RERE: variants seen among roughly 807,000 people sequenced by gnomAD.
RERE encodes arginine-glutamic acid dipeptide repeats protein.
A neutral mutation model predicts 146.1 loss-of-function variants in RERE; 40 were observed. The observed-to-expected ratio is 0.27, with a 90% CI of 0.21 to 0.36. RERE has a LOEUF of 0.36. RERE is among the 10% of genes least tolerant of loss of function. The pLI is 1.00. For missense variants in RERE, 1,933 were observed against 2,138.7 expected (o/e 0.90, Z 1.90); for synonymous variants, 1,003 against 866.0 (o/e 1.16, Z -2.78).
chr1:8,728,718 T>C (rs1640021566), intron 1 of RERE, among the ~76,000 whole-genome samples: 1 of 152,200 alleles, frequency 6.6e-6, no homozygotes, highest in African/African-American at 2.4e-5. Context: ...AGATATCTGT[T>C]ATTACTTCTG....
chr1:8,450,355 C>T (rs1644376166), intron 11 of RERE, among the ~76,000 whole-genome samples: 1 of 151,966 alleles, frequency 6.6e-6, no homozygotes, highest in African/African-American at 2.4e-5. Flanking sequence ...CCAACAGCCA[C>T]CGAGAAGCAC....
At chr1:8,551,255 G>C (rs764648122) in intron 6 of RERE, among the ~76,000 whole-genome samples, 1 of 152,198 alleles carries the variant, frequency 6.6e-6, no homozygotes, top group Non-Finnish European at 1.5e-5. Flanking sequence ...ATGCACTGAT[G>C]CGAGTACACA....
intron 11 of RERE, among the ~76,000 whole-genome samples, chr1:8,436,419 C>G (rs917243332): frequency 6.6e-6 from 1 of 152,186 alleles, no homozygotes; most frequent in African/African-American, 2.4e-5. Context: ...ACCCTACAGT[C>G]GCTACATAAA....
chr1:8,694,981 G>T (rs1022771749), intron 1 of RERE, among the ~76,000 whole-genome samples: 2 of 125,404 alleles, frequency 1.6e-5, no homozygotes, highest in Non-Finnish European at 3.5e-5. Flanking sequence ...TAAGGGGGGG[G>T]GGGGAATGCT....
intron 1 of RERE, among the ~76,000 whole-genome samples, chr1:8,689,358 A>G (rs1229596853): frequency 6.6e-6 from 1 of 152,194 alleles, no homozygotes; most frequent in Non-Finnish European, 1.5e-5. Context: ...TAAAATAAAC[A>G]GCAATTTTCT....
intron 1 of RERE, among the ~76,000 whole-genome samples, chr1:8,666,216 A>T (rs1638570599): frequency 6.6e-6 from 1 of 152,272 alleles, no homozygotes; most frequent in African/African-American, 2.4e-5. Flanking sequence ...TTTTCCACCA[A>T]GAGTTGTTAG....
At position 8,639,326 on chromosome 1, in the gene RERE, A is replaced by G. The variant is rs183463353; in HGVS notation, c.326-14946T>C. ...ACATATGACAAAACTGATGGTCTCTACAACAGCCAGCCTCCACCAATCCTG... is the reference window on the plus strand; with the variant it reads ...ACATATGACAAAACTGATGGTCTCTGCAACAGCCAGCCTCCACCAATCCTG... On this transcript the variant is annotated intron_variant, in intron 2 of 22. Coordinates refer to ENST00000400908, the MANE Select transcript of RERE (RefSeq NM_001042681.2). 9.9e-3 allele frequency among the ~76,000 whole-genome samples: 1,504 copies of G among 152,294 alleles called. 81 individuals carry two copies. Among genetic ancestry groups the G allele is most frequent in the Admixed American group, 0.086 (1,320 of 15,282 alleles).
chr1:8,563,057 C>G (rs979452166), intron 4 of RERE, among the ~76,000 whole-genome samples: 2 of 152,136 alleles, frequency 1.3e-5, no homozygotes, highest in Admixed American at 1.3e-4. Context: ...TGGAAACAGG[C>G]AAGGCCAAGA....
intron 11 of RERE, among the ~76,000 whole-genome samples, chr1:8,444,966 A>C (rs1372150287): frequency 5.9e-5 from 9 of 152,200 alleles, no homozygotes; most frequent in Admixed American, 5.9e-4. Flanking sequence ...ATGGTATTTA[A>C]AATTCACTTG....
intron 11 of RERE, among the ~76,000 whole-genome samples, chr1:8,456,717 C>G (rs1644457243): frequency 6.6e-6 from 1 of 152,144 alleles, no homozygotes; most frequent in African/African-American, 2.4e-5. Flanking sequence ...TTTGCTCTTC[C>G]TGGAACACAC....
intron 11 of RERE, among the ~76,000 whole-genome samples, chr1:8,458,565 GTGCGCATGCGCGCACACACACA>G (rs1034184049): frequency 7.2e-5 from 11 of 152,178 alleles, no homozygotes; most frequent in African/African-American, 2.2e-4. Context: ...ACACAGACGT[GTGCGCATGCGCGCACACACACA>G]TATACATACA....
intron 12 of RERE, among the ~76,000 whole-genome samples, chr1:8,409,161 T>G (rs1452161310): frequency 6.6e-6 from 1 of 152,214 alleles, no homozygotes; most frequent in Non-Finnish European, 1.5e-5. Flanking sequence ...TAAGGAAATA[T>G]CAGTTGTCTC....
chr1:8,526,575 G>A (rs1645573973), intron 7 of RERE, among the ~76,000 whole-genome samples: 1 of 152,006 alleles, frequency 6.6e-6, no homozygotes, highest in African/African-American at 2.4e-5. Context: ...TGTGAGCAGG[G>A]TAGCTAAAGA....
At chr1:8,709,136 G>A (rs558984819) in intron 1 of RERE, among the ~76,000 whole-genome samples, 4 of 151,602 alleles carry the variant, frequency 2.6e-5, no homozygotes, top group Admixed American at 6.6e-5. Flanking sequence ...TAGCCAGGAT[G>A]GTCTCGATCT....
chr1:8,614,438 C>T, intron 4 of RERE, 123 bp downstream of exon 4: 1 of 1,059,110 alleles, frequency 9.4e-7, no homozygotes, highest in Admixed American at 2.6e-5. Flanking sequence ...CTTGTTACTC[C>T]TTTAAAAACA....
chr1:8,465,372 G>A, intron 11 of RERE: 1 of 227,548 alleles, frequency 4.4e-6, no homozygotes, highest in Non-Finnish European at 9.0e-6. Context: ...AGGAGGTCAG[G>A]GGTCTTACAA....
intron 12 of RERE, among the ~76,000 whole-genome samples, chr1:8,420,516 G>C (rs1056507840): frequency 2.6e-5 from 4 of 152,150 alleles, no homozygotes; most frequent in Non-Finnish European, 5.9e-5. Context: ...GATAACTAGA[G>C]AAAATAAGAA....
chr1:8,517,386 TTTA>T (rs1557668876), intron 7 of RERE, among the ~76,000 whole-genome samples: 1 of 152,218 alleles, frequency 6.6e-6, no homozygotes, highest in Non-Finnish European at 1.5e-5. Flanking sequence ...AAGTGACATA[TTTA>T]TTTTTTCCTT....
At chr1:8,548,983 C>CA (rs200158076) in intron 6 of RERE, among the ~76,000 whole-genome samples, 4,291 of 151,612 alleles carry the variant, frequency 0.028, 179 homozygotes, top group African/African-American at 0.098. Context: ...GACTCTGTCT[C>CA]AAAAAAAATA....
Sources: gnomAD v4.1 joint callset for allele counts (sites outside exome capture counted in the v4.1 genomes callset) on GRCh38, gnomAD v4.1.1 for gene constraint, MANE v1.5 for transcripts, NCBI Gene and HGNC (gene_info 2026-07-23, HGNC 2026-07-21) for gene names.